MOB3B: variants seen among roughly 807,000 people sequenced by gnomAD.
The protein encoded by MOB3B is MOB kinase activator 3B.
A neutral mutation model predicts 18.7 loss-of-function variants in MOB3B; 7 were observed. The observed-to-expected ratio is 0.37, with a 90% CI of 0.21 to 0.70. The LOEUF (loss-of-function observed/expected upper bound fraction) is 0.70, where lower values mean the gene tolerates loss of function less well. Ranked by LOEUF, MOB3B falls within the 30% of genes least tolerant of loss-of-function variation. MOB3B has a pLI of 0.52. For missense variants in MOB3B, 253 were observed against 281.3 expected, an observed-to-expected ratio of 0.90 and a Z score of 0.72; for synonymous variants, 111 against 99.9, an observed-to-expected ratio of 1.11 and a Z score of -0.66.
chr9:27,348,777 T>C (rs1239061709), intron 3 of MOB3B, among the ~76,000 whole-genome samples: 2 of 152,244 alleles, frequency 1.3e-5, no homozygotes, highest in East Asian at 1.9e-4. Flanking sequence ...CTTCTGACTC[T>C]AGTCTGTAGA....
chr9:27,334,087 T>C (rs1820829008), intron 3 of MOB3B, among the ~76,000 whole-genome samples: 1 of 152,250 alleles, frequency 6.6e-6, no homozygotes, highest in Admixed American at 6.5e-5. Context: ...AATTCATCAT[T>C]TCATTTTTGC....
chr9:27,342,504 C>A (rs1013362286), intron 3 of MOB3B, among the ~76,000 whole-genome samples: 6 of 151,772 alleles, frequency 4.0e-5, no homozygotes, highest in African/African-American at 1.5e-4. Flanking sequence ...CTGATGCCAC[C>A]AAAGTTGTGA....
At chr9:27,380,472 C>T (rs1037503278) in intron 2 of MOB3B, among the ~76,000 whole-genome samples, 10 of 151,974 alleles carry the variant, frequency 6.6e-5, no homozygotes, top group Non-Finnish European at 1.2e-4. Flanking sequence ...CTCTTGACCT[C>T]GTGATCCACC....
chr9:27,515,876 A>G (rs920079832), intron 1 of MOB3B, among the ~76,000 whole-genome samples: 4 of 152,212 alleles, frequency 2.6e-5, no homozygotes, highest in African/African-American at 9.6e-5. Flanking sequence ...CCCAATACCT[A>G]TAATGTGGCC....
intron 3 of MOB3B, 52 bp from the exon 4 acceptor site, chr9:27,330,668 G>A (rs1280713850): frequency 5.0e-6 from 8 of 1,611,596 alleles, no homozygotes; most frequent in African/African-American, 2.7e-5. Flanking sequence ...GCAGAGCAAC[G>A]ATTTGGTGAA....
chr9:27,424,571 G>T (rs1038579287), intron 2 of MOB3B, among the ~76,000 whole-genome samples: 1 of 152,246 alleles, frequency 6.6e-6, no homozygotes, highest in East Asian at 1.9e-4. Context: ...CCCAGTGAAA[G>T]AACCACCGGG....
intron 1 of MOB3B, among the ~76,000 whole-genome samples, chr9:27,467,088 A>G (rs1208355939): frequency 6.6e-6 from 1 of 152,148 alleles, no homozygotes; most frequent in Admixed American, 6.5e-5. Context: ...TAATGATTCT[A>G]CCCACTCTAT....
intron 2 of MOB3B, among the ~76,000 whole-genome samples, chr9:27,377,676 T>G (rs1471741055): frequency 6.6e-6 from 1 of 152,196 alleles, no homozygotes; most frequent in African/African-American, 2.4e-5. Flanking sequence ...TTATGCTAAA[T>G]TGAAAACACT....
At chr9:27,454,748 T>G (rs1050925271) in intron 2 of MOB3B, among the ~76,000 whole-genome samples, 1 of 152,232 alleles carries the variant, frequency 6.6e-6, no homozygotes, top group African/African-American at 2.4e-5. Context: ...CTGGAATTTC[T>G]TAATCCTCAG....
At chr9:27,463,972 GA>G (rs1459535607) in intron 1 of MOB3B, among the ~76,000 whole-genome samples, 6 of 151,858 alleles carry the variant, frequency 4.0e-5, no homozygotes, top group African/African-American at 1.5e-4. Context: ...AAAGAAAAAA[GA>G]AAAAAATAAT....
At chr9:27,388,187 T>C (rs779659262) in intron 2 of MOB3B, among the ~76,000 whole-genome samples, 10 of 152,226 alleles carry the variant, frequency 6.6e-5, no homozygotes, top group Non-Finnish European at 8.8e-5. Context: ...CACTTTAGGT[T>C]GCACATACCG....
chr9:27,506,832 A>ATTTTTTTTTTTTTTTT (rs71492749), intron 1 of MOB3B, among the ~76,000 whole-genome samples: 2 of 120,510 alleles, frequency 1.7e-5, no homozygotes, highest in African/African-American at 3.1e-5. Flanking sequence ...ACCCCGGCTA[A>ATTTTTTTTTTTTTTTT]TTTTTTTTTT....
At chr9:27,481,343 G>A (rs752970984) in intron 1 of MOB3B, among the ~76,000 whole-genome samples, 1 of 152,014 alleles carries the variant, frequency 6.6e-6, no homozygotes, top group Non-Finnish European at 1.5e-5. Flanking sequence ...ATGCTTACTG[G>A]GGCAGAGTAG....
At chr9:27,330,699 G>T in intron 3 of MOB3B, 83 bp from the exon 4 acceptor site, 1 of 1,568,336 alleles carries the variant, frequency 6.4e-7, no homozygotes, top group South Asian at 1.1e-5. Context: ...AATGCTCTTG[G>T]AATCTCGAGA....
At chr9:27,489,032 G>C (rs913476503) in intron 1 of MOB3B, among the ~76,000 whole-genome samples, 1 of 152,210 alleles carries the variant, frequency 6.6e-6, no homozygotes, top group African/African-American at 2.4e-5. Context: ...GGGGATTTTA[G>C]ATAATCATGG....
At chr9:27,524,521 A>T (rs751585682) in intron 1 of MOB3B, 2 of 1,614,026 alleles carry the variant, frequency 1.2e-6, no homozygotes, top group African/African-American at 2.7e-5. Context: ...TGTCTACGAG[A>T]AAACATAGCT....
At chr9:27,524,238 T>A in intron 1 of MOB3B, 2 of 1,102,896 alleles carry the variant, frequency 1.8e-6, no homozygotes, top group Non-Finnish European at 1.2e-6. Context: ...AGAAAACTCC[T>A]CCTGCTGAAG....
chr9:27,398,055 T>G (rs77710118), intron 2 of MOB3B, among the ~76,000 whole-genome samples: 1 of 152,242 alleles, frequency 6.6e-6, no homozygotes, highest in Non-Finnish European at 1.5e-5. Context: ...ATTTATGGCA[T>G]GCCTTCTTCA....
chr9:27,507,984 A>G (rs572575985), intron 1 of MOB3B, among the ~76,000 whole-genome samples: 37 of 152,262 alleles, frequency 2.4e-4, no homozygotes, highest in African/African-American at 7.9e-4. Context: ...GTTTTTGTTT[A>G]TCTGTTTTGT....
Sources: allele counts gnomAD v4.1 joint callset (sites outside exome capture counted in the v4.1 genomes callset), GRCh38; gene constraint gnomAD v4.1.1; transcripts MANE v1.5; gene names NCBI Gene and HGNC (gene_info 2026-07-23, HGNC 2026-07-21).